The following PTP4A2 variants were observed in gnomAD, a reference collection of about 807,000 sequenced individuals.
The protein encoded by PTP4A2 is protein tyrosine phosphatase 4A2.
PTP4A2 carries 2 observed loss-of-function variants against 22.9 expected under a neutral mutation model. The ratio of observed to expected loss-of-function variants is 0.09; its 90% CI spans 0.04 to 0.27. The LOEUF (loss-of-function observed/expected upper bound fraction) is 0.27, where lower values mean the gene tolerates loss of function less well. Ranked by LOEUF, PTP4A2 falls within the 10% of genes least tolerant of loss-of-function variation. The probability of loss-of-function intolerance (pLI) is 1.00; values close to 1 mark genes in which losing one functional copy is unlikely to be tolerated. For missense variants in PTP4A2, 103 were observed against 205.1 expected, an observed-to-expected ratio of 0.50 and a Z score of 3.04; for synonymous variants, 68 against 69.1, an observed-to-expected ratio of 0.98 and a Z score of 0.08.
chr1:31,910,534 A>G (rs1174305888), intron 4 of PTP4A2: 1 of 154,618 alleles, frequency 6.5e-6, no homozygotes, highest in Non-Finnish European at 1.4e-5. Context: ...AGGCTCAAGC[A>G]ATCTGCCTGC....
At chr1:31,931,936 T>C (rs1267037291) in intron 1 of PTP4A2, among the ~76,000 whole-genome samples, 1 of 152,232 alleles carries the variant, frequency 6.6e-6, no homozygotes, top group Non-Finnish European at 1.5e-5. Flanking sequence ...TTTGTTCTGC[T>C]ACTAAAAACA....
rs149939277 is a variant in PTP4A2, at chr1:31,932,800, A to T, written c.-594+5187T>A. 5 of 152,314 alleles carry T rather than the reference A, an allele frequency of 3.3e-5. No homozygotes were observed. The East Asian group carries it at 9.6e-4, about 29-fold the overall frequency. 9.4% of individuals were successfully genotyped at this position (152,314 alleles called of 1,614,324 possible). ...TGAGCCTAGACCTCTACCACTCCAA[A>T]GAGCAAAAAGATTTTCACACAATAT... On this transcript the variant is annotated intron_variant, in intron 1 of 5. Coordinates refer to ENST00000647444, the MANE Select transcript of PTP4A2 (RefSeq NM_080391.4).
intron 1 of PTP4A2, among the ~76,000 whole-genome samples, chr1:31,923,748 A>T (rs1162778045): frequency 6.6e-6 from 1 of 152,120 alleles, no homozygotes; most frequent in East Asian, 1.9e-4. Flanking sequence ...GGCTGGTCTA[A>T]AACTCCTGGG....
At chr1:31,921,315 T>TC (rs149186673) in intron 1 of PTP4A2, 224 of 152,290 alleles carry the variant, frequency 1.5e-3, no homozygotes, top group African/African-American at 5.1e-3. Context: ...CTTCTGTTAG[T>TC]CCCGTTTTTT....
rs879195528 is a variant in PTP4A2 at position 31,919,123 on chromosome 1, A to T, written c.-58T>A. On this transcript the variant is annotated 5_prime_UTR_variant, in exon 2 of 6. Transcript: ENST00000647444. ...AGTGTGATGGGGAAAGTGAAAAAAA[A>T]AAATCAATAAATCTTGAAATGTTTC... The T allele has an allele frequency of 1.2e-5, 10 of 838,708 alleles. No individual in the cohort carries two copies. Among genetic ancestry groups the T allele is most frequent in the Non-Finnish European group, 1.8e-5 (9 of 503,028 alleles). The allele number at this position is 838,708 out of a possible 1,614,324, so 52.0% of individuals were successfully genotyped here. A position where few individuals can be genotyped will look rare whatever the true frequency, so the allele number is the denominator to read the frequency against.
intron 1 of PTP4A2, among the ~76,000 whole-genome samples, chr1:31,935,299 A>T (rs1449959086): frequency 3.9e-5 from 6 of 152,116 alleles, no homozygotes; most frequent in African/African-American, 1.4e-4. Context: ...GCCCCAAGAG[A>T]GTTTCAAGGC....
intron 1 of PTP4A2, chr1:31,923,992 A>G (rs927991044): frequency 3.6e-5 from 5 of 137,708 alleles, no homozygotes; most frequent in African/African-American, 1.8e-4. Context: ...CATGCAATGC[A>G]GAGCAAAACA....
At chr1:31,920,031 C>A (rs766263352) in intron 1 of PTP4A2, among the ~76,000 whole-genome samples, 1 of 144,372 alleles carries the variant, frequency 6.9e-6, no homozygotes, top group African/African-American at 2.6e-5. Flanking sequence ...GAAGCTGAGG[C>A]AGGAGAATCG....
chr1:31,929,940 T>C (rs1557868321), intron 1 of PTP4A2, among the ~76,000 whole-genome samples: 2 of 152,174 alleles, frequency 1.3e-5, no homozygotes, highest in East Asian at 1.9e-4. Context: ...GGTTGCAAAA[T>C]AGATACTTGG....
intron 2 of PTP4A2, among the ~76,000 whole-genome samples, chr1:31,917,243 C>T (rs561698479): frequency 5.9e-5 from 9 of 152,248 alleles, no homozygotes; most frequent in African/African-American, 1.4e-4. Flanking sequence ...TCAACTTGTA[C>T]GCTGTGTATA....
At chr1:31,914,727 T>TA (rs1229622503) in intron 3 of PTP4A2, among the ~76,000 whole-genome samples, 6 of 152,188 alleles carry the variant, frequency 3.9e-5, no homozygotes, top group Admixed American at 2.6e-4. Flanking sequence ...TCCTACAACT[T>TA]AGACAACTAC....
chr1:31,937,932 C>T (rs1379705690), intron 1 of PTP4A2, 55 bp downstream of exon 1: 1 of 151,728 alleles, frequency 6.6e-6, no homozygotes, highest in Non-Finnish European at 1.5e-5. Flanking sequence ...CCGCCCTCCC[C>T]TTCCCCGAGG....
chr1:31,924,649 C>A (rs921724905), intron 1 of PTP4A2, among the ~76,000 whole-genome samples: 1 of 152,212 alleles, frequency 6.6e-6, no homozygotes, highest in Non-Finnish European at 1.5e-5. Context: ...ATTGTTTTAA[C>A]TTACCAAGTG....
rs1553209321 is a variant in PTP4A2, at chr1:31,908,120, ATATATATATATATATTATAT to A, written c.*712_*731del. The A allele has an allele frequency of 8.8e-3, 4 of 456 alleles. No homozygotes were observed. Among genetic ancestry groups the A allele is most frequent in the Non-Finnish European group, 0.012 (3 of 260 alleles). The allele number at this position is 456 out of a possible 1,614,324, so 0.0% of individuals were successfully genotyped here. ...ACTAAAAACCACCTGGAAAATATAT[ATATATATATATATATTATAT>A]TATATATATATATATATATATATAT... On this transcript the variant is annotated 3_prime_UTR_variant, in exon 6 of 6. Transcript: ENST00000647444.
chr1:31,924,480 T>G (rs1241198330), intron 1 of PTP4A2, among the ~76,000 whole-genome samples: 1 of 152,178 alleles, frequency 6.6e-6, no homozygotes, highest in Non-Finnish European at 1.5e-5. Context: ...AAGCAAACAG[T>G]GTGTAAAAAA....
At chr1:31,920,726 C>A (rs375780058) in intron 1 of PTP4A2, among the ~76,000 whole-genome samples, 1 of 151,644 alleles carries the variant, frequency 6.6e-6, no homozygotes, top group Non-Finnish European at 1.5e-5. Flanking sequence ...TTGGTAGAGA[C>A]GGGGCTTCAC....
chr1:31,937,855 C>CCCCGG (rs1208504587), intron 1 of PTP4A2, 132 bp downstream of exon 1: 25 of 152,614 alleles, frequency 1.6e-4, no homozygotes, highest in Middle Eastern at 6.8e-3. Context: ...CGCTCCCCCG[C>CCCCGG]CCCGGCCCGG....
At chr1:31,925,309 T>C (rs1557866696) in intron 1 of PTP4A2, among the ~76,000 whole-genome samples, 1 of 152,188 alleles carries the variant, frequency 6.6e-6, no homozygotes, top group Non-Finnish European at 1.5e-5. Context: ...TCTATAATCA[T>C]AGGATTAGAA....
chr1:31,923,640 A>G (rs904200767), intron 1 of PTP4A2, among the ~76,000 whole-genome samples: 1 of 151,376 alleles, frequency 6.6e-6, no homozygotes, highest in African/African-American at 2.4e-5. Context: ...AGCCTGCCTC[A>G]ACCTCTTGAG....
Sources: allele counts gnomAD v4.1 joint callset (sites outside exome capture counted in the v4.1 genomes callset), GRCh38; gene constraint gnomAD v4.1.1; transcripts MANE v1.5; gene names NCBI Gene and HGNC (gene_info 2026-07-23, HGNC 2026-07-21).